Variants in SRSF11 observed in about 807,000 individuals in gnomAD.
SRSF11 encodes the protein serine/arginine-rich splicing factor 11.
In SRSF11, 9 loss-of-function variants were observed where a neutral mutation model predicts 56.0. The observed-to-expected ratio is 0.16, with a 90% CI of 0.10 to 0.28. SRSF11 has a LOEUF of 0.28. Among genes scored for constraint, SRSF11 ranks in the 10% least tolerant of loss-of-function variants. The pLI, the probability that SRSF11 is intolerant of heterozygous loss-of-function variation, is 1.00. For missense variants in SRSF11, 421 were observed against 600.7 expected, an observed-to-expected ratio of 0.70 and a Z score of 3.13; for synonymous variants, 222 against 215.3, an observed-to-expected ratio of 1.03 and a Z score of -0.27.
At chr1:70,233,912 A>G (rs2100774678) in intron 3 of SRSF11, among the ~76,000 whole-genome samples, 1 of 152,324 alleles carries the variant, frequency 6.6e-6, no homozygotes, top group Admixed American at 6.5e-5. Flanking sequence ...GGGAACTCTA[A>G]TGAATACAGG....
At chr1:70,224,295 C>T (rs1671292456) in intron 1 of SRSF11, among the ~76,000 whole-genome samples, 1 of 152,124 alleles carries the variant, frequency 6.6e-6, no homozygotes. Context: ...GCACCTGTAA[C>T]TCTTTTTCCC....
chr1:70,242,364 A>ACG (rs966128353), intron 7 of SRSF11, among the ~76,000 whole-genome samples: 6 of 148,972 alleles, frequency 4.0e-5, no homozygotes, highest in African/African-American at 1.5e-4. Flanking sequence ...ACACACACAC[A>ACG]CCCCCCACAC....
chr1:70,233,432 G>A lies in SRSF11; in HGVS notation c.447+1055G>A, dbSNP rs568063673. Among the ~76,000 whole-genome samples, 94 of 152,184 alleles carry A rather than the reference G, an allele frequency of 6.2e-4. 2 individuals are homozygous for A. The South Asian group carries it at 0.019, about 30-fold the overall frequency. On this transcript the variant is annotated intron_variant, in intron 3 of 11. Transcript: ENST00000370949. ...TTTTTGTATTTTTAGTAGGGATGGG[G>A]TTTCACCATGTTGGCCAGGCTGGTC... is the stretch of plus-strand genomic sequence containing the variant.
intron 2 of SRSF11, chr1:70,228,949 T>C: frequency 1.0e-6 from 1 of 984,388 alleles, no homozygotes; most frequent in Non-Finnish European, 1.2e-6. Context: ...TTTAAATAAA[T>C]GAGTAGGTTG....
chr1:70,239,574 C>G, intron 7 of SRSF11, 54 bp downstream of exon 7: 2 of 1,315,904 alleles, frequency 1.5e-6, no homozygotes. Flanking sequence ...TTATATATGT[C>G]ACATCTTTTT....
Position 70,251,014 on chromosome 1 carries a change from A to G in SRSF11, c.*209A>G. ...GGTAACCAATTCTTGTCATGGTGAA[A>G]TCTGATTGAGTAACCAAGCAGTTTT... On this transcript the variant is annotated 3_prime_UTR_variant, in exon 12 of 12. Transcript: ENST00000370949. 2.0e-6 allele frequency: 1 copy of G among 505,076 alleles called. No homozygotes were observed. Among genetic ancestry groups the G allele is most frequent in the Non-Finnish European group, 3.5e-6 (1 of 284,630 alleles). The allele number at this position is 505,076 out of a possible 1,614,324, so 31.3% of individuals were successfully genotyped here. A position where few individuals can be genotyped will look rare whatever the true frequency, so the allele number is the denominator to read the frequency against.
intron 1 of SRSF11, among the ~76,000 whole-genome samples, chr1:70,215,419 A>G (rs1479148387): frequency 1.3e-5 from 2 of 152,202 alleles, no homozygotes; most frequent in South Asian, 2.1e-4. Context: ...CATCTGCCTT[A>G]CAAGAATTGA....
At chr1:70,224,946 T>G (rs1316245656) in intron 1 of SRSF11, among the ~76,000 whole-genome samples, 1 of 152,186 alleles carries the variant, frequency 6.6e-6, no homozygotes, top group Admixed American at 6.5e-5. Context: ...GAAAAAAATG[T>G]TTTTGACCCT....
chr1:70,215,030 T>G (rs1669886713), intron 1 of SRSF11, among the ~76,000 whole-genome samples: 1 of 151,714 alleles, frequency 6.6e-6, no homozygotes, highest in Admixed American at 6.6e-5. Context: ...TCCGAATAGC[T>G]GAGACTACAG....
intron 1 of SRSF11, among the ~76,000 whole-genome samples, chr1:70,223,241 C>T (rs929009709): frequency 2.6e-5 from 4 of 152,040 alleles, no homozygotes; most frequent in Non-Finnish European, 5.9e-5. Context: ...TTGAGGTATT[C>T]GAATTACTAC....
intron 2 of SRSF11, chr1:70,230,360 G>A (rs920736582): frequency 1.4e-5 from 15 of 1,064,308 alleles, no homozygotes; most frequent in African/African-American, 1.0e-4. Flanking sequence ...ATTACACTTC[G>A]GTGTTAGCTC....
rs1157725488 is a variant in SRSF11 at position 70,250,440 on chromosome 1, G to A, written c.1194G>A (p.Lys398=). The A allele has an allele frequency of 6.3e-7, 1 of 1,592,964 alleles. No homozygotes were observed. The highest frequency in any genetic ancestry group is 8.6e-7 in the Non-Finnish European group (1 of 1,161,056). The change falls in exon 11 of 12, where the codon AAG becomes AAA. Residue 398 remains lysine (K), a synonymous_variant. Coordinates refer to ENST00000370949, the MANE Select transcript of SRSF11 (RefSeq NM_001350605.2). ...AAAGAGAACGATCAACAAGCAAGAA[G>A]AAGAAGAGTAAAGATAAGGAAAAGG... ...RDERERSTSK[K]KKSKDKEKDR... is the part of the protein sequence containing the mutation.
intron 1 of SRSF11, among the ~76,000 whole-genome samples, chr1:70,208,558 A>C (rs1669266004): frequency 6.6e-6 from 1 of 152,196 alleles, no homozygotes; most frequent in Non-Finnish European, 1.5e-5. Flanking sequence ...GATTGGTCTC[A>C]AACTCCTGGC....
chr1:70,210,910 G>A (rs906022414), intron 1 of SRSF11, among the ~76,000 whole-genome samples: 2 of 151,936 alleles, frequency 1.3e-5, no homozygotes, highest in Non-Finnish European at 2.9e-5. Flanking sequence ...GGGTTTTCTG[G>A]TTTATTTCAT....
chr1:70,249,273 A>G (rs1182699701), intron 9 of SRSF11: 3 of 152,202 alleles, frequency 2.0e-5, no homozygotes, highest in African/African-American at 7.2e-5. Flanking sequence ...TACCTTCTAT[A>G]TCACATTATT....
chr1:70,221,605 G>A lies in SRSF11; in HGVS notation c.-32G>A. ...TCACTGTTTGTTGTGTGTTTGATGT[G>A]TTAAAGCAGGAGCGAGAACCCGAGC... On this transcript the variant is annotated 5_prime_UTR_variant, in exon 1 of 12. Coordinates refer to ENST00000370949, the MANE Select transcript of SRSF11 (RefSeq NM_001350605.2). The A allele has an allele frequency of 6.3e-7, 1 of 1,594,456 alleles. No homozygotes were observed. The highest frequency in any genetic ancestry group is 8.5e-7 in the Non-Finnish European group (1 of 1,170,574).
intron 1 of SRSF11, among the ~76,000 whole-genome samples, chr1:70,224,199 C>T (rs1483839596): frequency 1.3e-5 from 2 of 152,142 alleles, no homozygotes; most frequent in East Asian, 1.9e-4. Flanking sequence ...ACTTGAGCAT[C>T]TGTGGATTTT....
chr1:70,209,937 A>G (rs1352477043), intron 1 of SRSF11, among the ~76,000 whole-genome samples: 1 of 150,438 alleles, frequency 6.6e-6, no homozygotes, highest in East Asian at 1.9e-4. Context: ...GACAGTACAT[A>G]TTTTGCATTT....
At chr1:70,211,340 A>T (rs1212584530) in intron 1 of SRSF11, among the ~76,000 whole-genome samples, 1 of 152,038 alleles carries the variant, frequency 6.6e-6, no homozygotes, top group African/African-American at 2.4e-5. Flanking sequence ...CCTCCCACCC[A>T]CAATTTTGTT....
Sources: gnomAD v4.1 joint callset for allele counts (sites outside exome capture counted in the v4.1 genomes callset) on GRCh38, gnomAD v4.1.1 for gene constraint, MANE v1.5 for transcripts, NCBI Gene and HGNC (gene_info 2026-07-23, HGNC 2026-07-21) for gene names.